FBXO4: variants seen among roughly 807,000 people sequenced by gnomAD.
FBXO4 encodes the protein F-box only protein 4.
FBXO4 carries 36 observed loss-of-function variants against 43.7 expected under a neutral mutation model. The observed-to-expected ratio is 0.82, with a 90% CI of 0.63 to 1.09. The LOEUF is 1.09. FBXO4 is among the 50% of genes least tolerant of loss of function. The pLI, the probability that FBXO4 is intolerant of heterozygous loss-of-function variation, is 0.00. For synonymous variants in FBXO4, 180 were observed against 165.6 expected, an observed-to-expected ratio of 1.09 and a Z score of -0.67; for missense variants, 435 against 474.1, an observed-to-expected ratio of 0.92 and a Z score of 0.77.
At chr5:41,971,134 C>T in the FBXO4 span, among the ~76,000 whole-genome samples, 2 of 150,918 alleles carry the variant, frequency 1.3e-5, no homozygotes, top group Non-Finnish European at 3.0e-5. Flanking sequence ...GAGAAAGTTA[C>T]TAAAAAAACA....
At chr5:42,020,956 C>T in the FBXO4 span, among the ~76,000 whole-genome samples, 3 of 151,982 alleles carry the variant, frequency 2.0e-5, no homozygotes, top group African/African-American at 4.8e-5. Context: ...GCTCAAAGGA[C>T]AGGAATGGAG....
At chr5:41,988,493 C>A in the FBXO4 span, among the ~76,000 whole-genome samples, 5 of 152,264 alleles carry the variant, frequency 3.3e-5, no homozygotes, top group Non-Finnish European at 7.4e-5. Context: ...AGGTAGAACT[C>A]ACAAAAGTGT....
the FBXO4 span, among the ~76,000 whole-genome samples, chr5:42,019,167 T>C: frequency 6.6e-6 from 1 of 152,166 alleles, no homozygotes; most frequent in Admixed American, 6.6e-5. Flanking sequence ...TTATAAAATT[T>C]AAGTATAATC....
At chr5:41,999,221 G>T in the FBXO4 span, among the ~76,000 whole-genome samples, 1 of 151,112 alleles carries the variant, frequency 6.6e-6, no homozygotes, top group Admixed American at 6.6e-5. Context: ...CATACTATTA[G>T]AAGTAGAGAC....
the FBXO4 span, among the ~76,000 whole-genome samples, chr5:41,949,115 T>C: frequency 6.6e-6 from 1 of 152,194 alleles, no homozygotes; most frequent in African/African-American, 2.4e-5. Flanking sequence ...TCATACTGAA[T>C]GGGCAAAAAC....
chr5:41,927,104 G>C lies in FBXO4; in HGVS notation c.281G>C (p.Arg94Thr), dbSNP rs554562377. Residue 94 changes from arginine (R) to threonine (T), a missense_variant, in exon 2 of 7, where the codon AGA becomes ACA. Physicochemically the swap from Arg to Thr is moderately conservative, Grantham distance 71. Transcript: ENST00000281623. The stretch of plus-strand genomic sequence containing the variant: ...AATCATTATTGGAATGAAACTGTAA[G>C]AGATCCAATTCTGTGGAGATACTTT... ...STNHYWNETVRDPILWRYFLL... is the reference protein window; with the variant it reads ...STNHYWNETVTDPILWRYFLL... 1 of 1,613,852 alleles carries C rather than the reference G, an allele frequency of 6.2e-7. No individual in the cohort carries two copies. The highest frequency in any genetic ancestry group is 1.3e-5 in the African/African-American group (1 of 75,018).
the FBXO4 span, among the ~76,000 whole-genome samples, chr5:42,003,322 A>G: frequency 1.4e-4 from 21 of 152,220 alleles, no homozygotes; most frequent in Admixed American, 8.5e-4. Context: ...GACCTGACAC[A>G]TAAGACTTAC....
At chr5:41,970,118 A>G in the FBXO4 span, among the ~76,000 whole-genome samples, 1 of 152,122 alleles carries the variant, frequency 6.6e-6, no homozygotes, top group African/African-American at 2.4e-5. Context: ...GTTGATATAT[A>G]AAACATTATC....
chr5:42,010,378 C>G, the FBXO4 span, among the ~76,000 whole-genome samples: 1 of 151,918 alleles, frequency 6.6e-6, no homozygotes, highest in Non-Finnish European at 1.5e-5. Flanking sequence ...CATGGTAGCA[C>G]GTGCCTGTAA....
chr5:41,936,801 A>G (rs1046665978), intron 5 of FBXO4, among the ~76,000 whole-genome samples: 12 of 152,154 alleles, frequency 7.9e-5, no homozygotes, highest in Admixed American at 7.9e-4. Context: ...GAACAGAGTG[A>G]GAGTTGGGGG....
chr5:41,942,296 G>C (rs935270000), downstream of FBXO4, among the ~76,000 whole-genome samples: 1 of 151,984 alleles, frequency 6.6e-6, no homozygotes, highest in African/African-American at 2.4e-5. Flanking sequence ...TGTTTACTTA[G>C]ATATTTGTAG....
At chr5:42,026,450 A>C in the FBXO4 span, among the ~76,000 whole-genome samples, 1 of 151,804 alleles carries the variant, frequency 6.6e-6, no homozygotes, top group Non-Finnish European at 1.5e-5. Context: ...TACCAGTTCT[A>C]GGTTTGTTTG....
At chr5:42,029,634 TA>T in the FBXO4 span, among the ~76,000 whole-genome samples, 8 of 152,070 alleles carry the variant, frequency 5.3e-5, no homozygotes, top group East Asian at 1.9e-4. Context: ...TGTTTTTATT[TA>T]TTTTTTTATT....
At chr5:41,929,348 G>C (rs1382960712) in intron 2 of FBXO4, among the ~76,000 whole-genome samples, 3 of 152,160 alleles carry the variant, frequency 2.0e-5, no homozygotes, top group Admixed American at 2.0e-4. Context: ...TTCCAGGGGG[G>C]CAGGGATAAA....
chr5:42,033,779 T>C, the FBXO4 span, among the ~76,000 whole-genome samples: 5 of 152,228 alleles, frequency 3.3e-5, no homozygotes, highest in South Asian at 4.1e-4. Flanking sequence ...CAGTCTATCA[T>C]TGATGGGCAT....
At position 41,925,513 on chromosome 5, in the gene FBXO4, C is replaced by G. The variant is rs1579968996; in HGVS notation, c.189+15C>G. The G allele has an allele frequency of 5.4e-6, 7 of 1,307,872 alleles. No homozygotes were observed. The highest frequency in any genetic ancestry group is 6.9e-6 in the Non-Finnish European group (7 of 1,020,784). 81.0% of individuals were successfully genotyped at this position (1,307,872 alleles called of 1,614,324 possible). ...CGCGGCTGCCGGTGAGCGTCGGCCGCAGGCCGCGGAGGACAGTGGGGCCGG... is the reference window on the plus strand; with the variant it reads ...CGCGGCTGCCGGTGAGCGTCGGCCGGAGGCCGCGGAGGACAGTGGGGCCGG... On this transcript the variant is annotated intron_variant, in intron 1 of 6. Coordinates refer to ENST00000281623, the MANE Select transcript of FBXO4 (RefSeq NM_012176.3).
At chr5:41,946,010 A>C (rs1752072001), downstream of FBXO4, among the ~76,000 whole-genome samples, 1 of 152,192 alleles carries the variant, frequency 6.6e-6, no homozygotes, top group South Asian at 2.1e-4. Context: ...ATGTTACAGA[A>C]TTACTTCATC....
chr5:42,028,254 C>T, the FBXO4 span, among the ~76,000 whole-genome samples: 2,439 of 151,928 alleles, frequency 0.016, 122 homozygotes, highest in East Asian at 0.1. Flanking sequence ...GCTGAACTGA[C>T]GTCTTTATCA....
intron 2 of FBXO4, 65 bp from the exon 3 acceptor site, chr5:41,929,632 A>G (rs1751614724): frequency 3.3e-6 from 4 of 1,197,032 alleles, no homozygotes; most frequent in Admixed American, 2.3e-5. Flanking sequence ...AATAAATTAT[A>G]TATTTTTGAA....
Sources: gnomAD v4.1 joint callset for allele counts (sites outside exome capture counted in the v4.1 genomes callset) on GRCh38, gnomAD v4.1.1 for gene constraint, MANE v1.5 for transcripts, NCBI Gene and HGNC (gene_info 2026-07-23, HGNC 2026-07-21) for gene names.